ATF7IP2: variants seen among roughly 807,000 people sequenced by gnomAD.
ATF7IP2 encodes activating transcription factor 7-interacting protein 2.
Under a neutral mutation model 64.2 loss-of-function variants are expected in ATF7IP2, and 42 were observed. The observed-to-expected ratio is 0.65, with a 90% CI of 0.51 to 0.85. The LOEUF is 0.85. Among genes scored for constraint, ATF7IP2 ranks in the 40% least tolerant of loss-of-function variants. The probability of loss-of-function intolerance (pLI) is 0.00; values close to 1 mark genes in which losing one functional copy is unlikely to be tolerated. For synonymous variants in ATF7IP2, 308 were observed against 272.8 expected (o/e 1.13, Z -1.27); for missense variants, 933 against 784.2 (o/e 1.19, Z -2.27).
intron 10 of ATF7IP2, 26 bp from the exon 11 acceptor site, chr16:10,473,453 T>G: frequency 7.1e-7 from 1 of 1,416,510 alleles, no homozygotes; most frequent in East Asian, 2.3e-5. Flanking sequence ...GTGTAATAAA[T>G]TTGTCAAATG....
chr16:10,469,761 C>G (rs1567172844), intron 9 of ATF7IP2, among the ~76,000 whole-genome samples: 1 of 151,814 alleles, frequency 6.6e-6, no homozygotes, highest in Non-Finnish European at 1.5e-5. Flanking sequence ...GGGAAACGAG[C>G]AAAACACCGT....
intron 1 of ATF7IP2, among the ~76,000 whole-genome samples, chr16:10,391,499 A>G (rs1178821019): frequency 2.0e-5 from 3 of 152,240 alleles, no homozygotes; most frequent in Non-Finnish European, 4.4e-5. Context: ...AACTTAAAGT[A>G]CTTTGACAGC....
intron 3 of ATF7IP2, among the ~76,000 whole-genome samples, chr16:10,423,611 G>A (rs546743259): frequency 2.0e-4 from 31 of 152,268 alleles, no homozygotes; most frequent in African/African-American, 7.0e-4. Context: ...AAAAAGATCT[G>A]GAGGGTCAGG....
At chr16:10,449,855 G>C (rs534196735) in intron 8 of ATF7IP2, 1 of 152,050 alleles carries the variant, frequency 6.6e-6, no homozygotes, top group South Asian at 2.1e-4. Flanking sequence ...GTTATTTCTT[G>C]TCTTCTGCTA....
intron 8 of ATF7IP2, chr16:10,447,739 T>TC (rs2048856943): frequency 6.6e-6 from 1 of 152,198 alleles, no homozygotes. Context: ...ACCTAACAAC[T>TC]TAAAGTAAGG....
At chr16:10,414,279 T>C (rs1389061536) in intron 1 of ATF7IP2, among the ~76,000 whole-genome samples, 1 of 152,134 alleles carries the variant, frequency 6.6e-6, no homozygotes, top group Non-Finnish European at 1.5e-5. Flanking sequence ...GTTCATATTT[T>C]CTTATTCTTT....
At chr16:10,478,313 T>C (rs1398475300) in intron 12 of ATF7IP2, among the ~76,000 whole-genome samples, 1 of 151,166 alleles carries the variant, frequency 6.6e-6, no homozygotes. Context: ...GAGATATAGA[T>C]CAATGGAACA....
At chr16:10,411,710 T>C (rs1056074799) in intron 1 of ATF7IP2, among the ~76,000 whole-genome samples, 1 of 152,128 alleles carries the variant, frequency 6.6e-6, no homozygotes, top group East Asian at 1.9e-4. Flanking sequence ...TCTCACTGTA[T>C]GTTATTGGTC....
At position 10,482,356 on chromosome 16, in the gene ATF7IP2, T is replaced by G. The variant is rs2142120912; in HGVS notation, c.*107T>G. 4 of 805,028 alleles carry G rather than the reference T, an allele frequency of 5.0e-6. No individual in the cohort carries two copies. The East Asian group carries it at 1.0e-4, about 21-fold the overall frequency. 49.9% of individuals were successfully genotyped at this position (805,028 alleles called of 1,614,324 possible). ...AAAGGCCAGCTCAGATTGTGAGCCC[T>G]TTCTATTGGGACAGTCCTCTTCTAT... On this transcript the variant is annotated 3_prime_UTR_variant, in exon 14 of 14. Coordinates refer to ENST00000562102, the MANE Select transcript of ATF7IP2 (RefSeq NM_001393719.1).
intron 1 of ATF7IP2, among the ~76,000 whole-genome samples, chr16:10,410,279 G>A (rs1373256464): frequency 1.3e-5 from 2 of 151,928 alleles, no homozygotes; most frequent in African/African-American, 4.8e-5. Context: ...CCTTGTAGAG[G>A]TCTTTTGACT....
intron 8 of ATF7IP2, among the ~76,000 whole-genome samples, chr16:10,441,063 G>C (rs562101870): frequency 6.6e-6 from 1 of 152,090 alleles, no homozygotes; most frequent in Non-Finnish European, 1.5e-5. Flanking sequence ...CATCCATGTC[G>C]CTGCAAAGGA....
intron 9 of ATF7IP2, among the ~76,000 whole-genome samples, chr16:10,462,130 CT>C (rs2049393815): frequency 6.6e-6 from 1 of 152,056 alleles, no homozygotes; most frequent in Admixed American, 6.5e-5. Context: ...AATAGTACTT[CT>C]GCTATTTTAT....
At chr16:10,413,743 C>G (rs1306279897) in intron 1 of ATF7IP2, among the ~76,000 whole-genome samples, 1 of 152,166 alleles carries the variant, frequency 6.6e-6, no homozygotes, top group Non-Finnish European at 1.5e-5. Context: ...GATGAATTCA[C>G]TCATCATTTG....
At chr16:10,441,216 T>C (rs1055759089) in intron 8 of ATF7IP2, among the ~76,000 whole-genome samples, 1 of 152,212 alleles carries the variant, frequency 6.6e-6, no homozygotes, top group Non-Finnish European at 1.5e-5. Context: ...AACGTACGTG[T>C]GCATGTGTCT....
chr16:10,473,480 T>C lies in ATF7IP2; in HGVS notation c.1428T>C (p.Asp476=), dbSNP rs774802483. 5 of 1,555,540 alleles carry C rather than the reference T, an allele frequency of 3.2e-6. No homozygotes were observed. The South Asian group carries it at 3.4e-5, about 11-fold the overall frequency. The change falls in exon 11 of 14, where the codon GAT becomes GAC. Residue 476 remains aspartate, a splice_region_variant and synonymous_variant. Coordinates refer to ENST00000562102, the MANE Select transcript of ATF7IP2 (RefSeq NM_001393719.1). ...TGTCAAATGTCTAATTTCTTTCAGA[T>C]ACCAGAAAAATTACATCAGGAAATT... ...LTTPITSNPT[D]TRKITSGNSS...
At chr16:10,471,468 C>T (rs956865354) in intron 9 of ATF7IP2, among the ~76,000 whole-genome samples, 2 of 151,964 alleles carry the variant, frequency 1.3e-5, no homozygotes, top group Non-Finnish European at 1.5e-5. Context: ...ACAGAGGTTT[C>T]GGTGAGCCAA....
At chr16:10,388,845 C>T (rs776781204) in intron 1 of ATF7IP2, among the ~76,000 whole-genome samples, 1 of 151,746 alleles carries the variant, frequency 6.6e-6, no homozygotes, top group Non-Finnish European at 1.5e-5. Context: ...CCCGTCTCCA[C>T]TAAAAAATAC....
chr16:10,432,520 C>T (rs546088680), intron 5 of ATF7IP2, among the ~76,000 whole-genome samples: 49 of 152,086 alleles, frequency 3.2e-4, no homozygotes, highest in South Asian at 6.2e-4. Context: ...GCAGGAGGAT[C>T]GCTTGAGCCA....
chr16:10,477,808 C>T (rs760122435), intron 12 of ATF7IP2, among the ~76,000 whole-genome samples: 8 of 152,260 alleles, frequency 5.3e-5, no homozygotes, highest in Middle Eastern at 6.8e-3. Context: ...AGCAAAGTCT[C>T]AGGATACAAA....
Sources: allele counts gnomAD v4.1 joint callset (sites outside exome capture counted in the v4.1 genomes callset), GRCh38; gene constraint gnomAD v4.1.1; transcripts MANE v1.5; gene names NCBI Gene and HGNC (gene_info 2026-07-23, HGNC 2026-07-21).